MANBA: variants seen among roughly 807,000 people sequenced by gnomAD.
MANBA encodes beta-mannosidase.
In MANBA, 83 loss-of-function variants were observed where a neutral mutation model predicts 111.1. That is an observed-to-expected ratio of 0.75 (90% CI 0.63 to 0.90). The LOEUF (loss-of-function observed/expected upper bound fraction) is 0.90, where lower values mean the gene tolerates loss of function less well. Among genes scored for constraint, MANBA ranks in the 40% least tolerant of loss-of-function variants. The pLI is 0.00. For synonymous variants in MANBA, 370 were observed against 378.7 expected (o/e 0.98, Z 0.27); for missense variants, 1,036 against 1,069.0 (o/e 0.97, Z 0.43).
In MANBA at chr4:102,690,886, T is replaced by C. The variant is rs227370; in HGVS notation, c.674-115A>G. On this transcript the variant is annotated intron_variant, in intron 5 of 16. Transcript: ENST00000647097. ...GACTAAAGCAGCTTCAAACCCAGTA[T>C]GTGCTCCACAATGCTGTCATAATCA... 0.66 allele frequency: 206,184 copies of C among 314,722 alleles called. 67,916 individuals carry two copies. The highest frequency in any genetic ancestry group is 0.8 in the South Asian group (6,434 of 8,008). The allele number at this position is 314,722 out of a possible 1,614,324, so 19.5% of individuals were successfully genotyped here.
At chr4:102,692,456 G>A (rs573133820) in intron 5 of MANBA, among the ~76,000 whole-genome samples, 1 of 152,254 alleles carries the variant, frequency 6.6e-6, no homozygotes, top group East Asian at 1.9e-4. Flanking sequence ...TATATTGTTT[G>A]TATAATGTCT....
rs1729383201 is a variant in MANBA at position 102,631,725 on chromosome 4, T to C, written c.*332A>G. On this transcript the variant is annotated 3_prime_UTR_variant, in exon 17 of 17. Coordinates refer to ENST00000647097, the MANE Select transcript of MANBA (RefSeq NM_005908.4). ...ACCTTCCATTTGGTTCCATAGATCC[T>C]GCCATGTCACATTCTTGTAACCAGC... The C allele has an allele frequency of 1.8e-6, 1 of 557,664 alleles. No individual in the cohort carries two copies. The highest frequency in any genetic ancestry group is 2.8e-5 in the East Asian group (1 of 35,364). 34.5% of individuals were successfully genotyped at this position (557,664 alleles called of 1,614,324 possible). A position where few individuals can be genotyped will look rare whatever the true frequency, so the allele number is the denominator to read the frequency against.
chr4:102,673,805 A>T, intron 8 of MANBA, 114 bp downstream of exon 8: 1 of 954,436 alleles, frequency 1.0e-6, no homozygotes, highest in Non-Finnish European at 1.7e-6. Context: ...CTAGAATTCT[A>T]TACTACCTCT....
chr4:102,750,225 C>T (rs775332581), intron 1 of MANBA, among the ~76,000 whole-genome samples: 10 of 151,922 alleles, frequency 6.6e-5, no homozygotes, highest in Non-Finnish European at 1.3e-4. Flanking sequence ...AGAAGACATA[C>T]ATATCTTTAA....
At chr4:102,667,910 T>G (rs745815207) in intron 10 of MANBA, 1 of 152,198 alleles carries the variant, frequency 6.6e-6, no homozygotes, top group Non-Finnish European at 1.5e-5. Context: ...TCTTGCAAAC[T>G]CTTTACAAGG....
chr4:102,644,590 A>G (rs1018064928), intron 13 of MANBA, among the ~76,000 whole-genome samples: 2 of 152,094 alleles, frequency 1.3e-5, no homozygotes, highest in Non-Finnish European at 2.9e-5. Context: ...AGAAGCACAG[A>G]GTAGAATGGT....
At chr4:102,665,906 G>T (rs1731199691) in intron 10 of MANBA, 1 of 152,200 alleles carries the variant, frequency 6.6e-6, no homozygotes, top group African/African-American at 2.4e-5. Context: ...AACTCACATA[G>T]ATGAAATAGA....
At chr4:102,756,788 G>T (rs1724038056) in intron 1 of MANBA, among the ~76,000 whole-genome samples, 1 of 106,752 alleles carries the variant, frequency 9.4e-6, no homozygotes, top group Non-Finnish European at 1.7e-5. Context: ...TTGGCATACA[G>T]AGACTATCTA....
intron 5 of MANBA, among the ~76,000 whole-genome samples, chr4:102,701,074 T>G (rs1311281828): frequency 1.3e-5 from 2 of 152,204 alleles, no homozygotes; most frequent in African/African-American, 4.8e-5. Context: ...TTAGGATAGT[T>G]AGCTCTTCTT....
At chr4:102,726,823 G>C in intron 1 of MANBA, 140 bp from the exon 2 acceptor site, 2 of 616,982 alleles carry the variant, frequency 3.2e-6, no homozygotes, top group South Asian at 4.0e-5. Flanking sequence ...GTACAAAGAG[G>C]GGACAGATCG....
chr4:102,755,534 G>A (rs1342086208), intron 1 of MANBA, among the ~76,000 whole-genome samples: 1 of 152,084 alleles, frequency 6.6e-6, no homozygotes, highest in African/African-American at 2.4e-5. Context: ...GAAAACCTAG[G>A]CAATACCATT....
chr4:102,734,689 T>G, intron 1 of MANBA: 2 of 1,000,436 alleles, frequency 2.0e-6, no homozygotes, highest in Non-Finnish European at 3.0e-6. Context: ...CTATATCCTG[T>G]TCCCCCTCTC....
chr4:102,727,491 G>T (rs1250556179), intron 1 of MANBA: 5 of 1,532,058 alleles, frequency 3.3e-6, no homozygotes, highest in Non-Finnish European at 4.5e-6. Flanking sequence ...CATGAGAAAT[G>T]AGTCTTCTCA....
intron 13 of MANBA, among the ~76,000 whole-genome samples, chr4:102,649,180 C>T (rs1443973120): frequency 1.3e-5 from 2 of 152,072 alleles, no homozygotes; most frequent in Admixed American, 1.3e-4. Flanking sequence ...GTTGTTTCTA[C>T]TTTGGGGCTA....
At chr4:102,699,781 T>A (rs1015835910) in intron 5 of MANBA, among the ~76,000 whole-genome samples, 6 of 150,552 alleles carry the variant, frequency 4.0e-5, no homozygotes, top group Admixed American at 6.6e-5. Flanking sequence ...TGAGGATTTT[T>A]GCATCAATGT....
At chr4:102,671,255 T>C (rs546716132) in intron 9 of MANBA, 26 bp downstream of exon 9, 2 of 1,340,822 alleles carry the variant, frequency 1.5e-6, no homozygotes, top group East Asian at 2.3e-5. Flanking sequence ...AACTTATCAA[T>C]ATATAAAATG....
At chr4:102,692,207 T>C (rs1160086295) in intron 5 of MANBA, among the ~76,000 whole-genome samples, 2 of 151,990 alleles carry the variant, frequency 1.3e-5, no homozygotes, top group South Asian at 2.1e-4. Flanking sequence ...AATCTCTCTG[T>C]GTACAAAAAG....
intron 12 of MANBA, among the ~76,000 whole-genome samples, chr4:102,656,712 C>A (rs111999020): frequency 6.6e-6 from 1 of 151,942 alleles, no homozygotes; most frequent in East Asian, 1.9e-4. Flanking sequence ...ATAAACAAAA[C>A]GTAGTGTATA....
chr4:102,729,992 C>T, intron 1 of MANBA: 1 of 870,830 alleles, frequency 1.1e-6, no homozygotes, highest in East Asian at 2.4e-5. Flanking sequence ...TGATGCCACC[C>T]ACGCTGCTGC....
Sources: allele counts gnomAD v4.1 joint callset (sites outside exome capture counted in the v4.1 genomes callset), GRCh38; gene constraint gnomAD v4.1.1; transcripts MANE v1.5; gene names NCBI Gene and HGNC (gene_info 2026-07-23, HGNC 2026-07-21).